The following COL5A2 variants were observed in gnomAD, a reference collection of about 807,000 sequenced individuals.
COL5A2 encodes the protein collagen alpha-2(V) chain.
COL5A2 carries 23 observed loss-of-function variants against 208.2 expected under a neutral mutation model. The observed-to-expected ratio is 0.11, with a 90% CI of 0.08 to 0.16. COL5A2 has a LOEUF of 0.16. COL5A2 is among the 10% of genes least tolerant of loss of function. COL5A2 has a pLI of 1.00. For synonymous variants in COL5A2, 625 were observed against 628.5 expected (o/e 0.99, Z 0.08); for missense variants, 1,590 against 1,956.4 (o/e 0.81, Z 3.53).
At chr2:189,418,890 A>C in the COL5A2 span, among the ~76,000 whole-genome samples, 4,922 of 152,236 alleles carry the variant, frequency 0.032, 268 homozygotes, top group African/African-American at 0.11. Flanking sequence ...TTGGGGGAGT[A>C]AATTTAGGCC....
chr2:189,201,667 T>A (rs1234496511), intron 1 of COL5A2, among the ~76,000 whole-genome samples: 1 of 151,980 alleles, frequency 6.6e-6, no homozygotes. Context: ...ATAAACACAT[T>A]GCATTGAAAC....
the COL5A2 span, among the ~76,000 whole-genome samples, chr2:189,323,935 C>T: frequency 6.6e-6 from 1 of 152,204 alleles, no homozygotes; most frequent in Non-Finnish European, 1.5e-5. Context: ...TACAAGGCTA[C>T]AGTAACTAAA....
At chr2:189,214,725 C>A (rs1455176136) in intron 1 of COL5A2, among the ~76,000 whole-genome samples, 1 of 152,124 alleles carries the variant, frequency 6.6e-6, no homozygotes, top group Non-Finnish European at 1.5e-5. Flanking sequence ...TTCATGGCAA[C>A]CTTGTAGCTT....
chr2:189,248,252 A>C, the COL5A2 span, among the ~76,000 whole-genome samples: 1 of 152,202 alleles, frequency 6.6e-6, no homozygotes, highest in African/African-American at 2.4e-5. Context: ...ATATTTGTGC[A>C]ACAAAGTCTG....
chr2:189,405,931 T>A, the COL5A2 span, among the ~76,000 whole-genome samples: 3 of 152,240 alleles, frequency 2.0e-5, no homozygotes, highest in Non-Finnish European at 4.4e-5. Flanking sequence ...TGTTGCATCA[T>A]TTAAAATCCC....
chr2:189,438,750 G>A, the COL5A2 span, among the ~76,000 whole-genome samples: 1 of 152,160 alleles, frequency 6.6e-6, no homozygotes, highest in Admixed American at 6.5e-5. Context: ...TGGTGGATAC[G>A]ATAATTTGTG....
At chr2:189,430,168 A>G in the COL5A2 span, among the ~76,000 whole-genome samples, 1 of 152,182 alleles carries the variant, frequency 6.6e-6, no homozygotes, top group Non-Finnish European at 1.5e-5. Context: ...ATGTTTAGGG[A>G]ATATCTTGAT....
chr2:189,267,842 C>A, the COL5A2 span, among the ~76,000 whole-genome samples: 2 of 152,090 alleles, frequency 1.3e-5, no homozygotes, highest in African/African-American at 4.8e-5. Context: ...GTAGGCCAAC[C>A]AAACCCACCA....
At chr2:189,069,454 C>T (rs994383130) in intron 18 of COL5A2, among the ~76,000 whole-genome samples, 1 of 152,086 alleles carries the variant, frequency 6.6e-6, no homozygotes, top group Non-Finnish European at 1.5e-5. Context: ...TGTATACATT[C>T]GGACTCTTTA....
At chr2:189,049,981 CATT>C (rs1685750208) in intron 43 of COL5A2, among the ~76,000 whole-genome samples, 1 of 152,114 alleles carries the variant, frequency 6.6e-6, no homozygotes, top group South Asian at 2.1e-4. Context: ...ATGAAAACAT[CATT>C]AATTTTTTTC....
intron 1 of COL5A2, among the ~76,000 whole-genome samples, chr2:189,115,849 T>A (rs1020146892): frequency 1.3e-5 from 2 of 152,210 alleles, no homozygotes; most frequent in Non-Finnish European, 2.9e-5. Flanking sequence ...ATAAGCACTT[T>A]TAGCTCTCTT....
chr2:189,257,990 T>G, the COL5A2 span, among the ~76,000 whole-genome samples: 1 of 152,130 alleles, frequency 6.6e-6, no homozygotes, highest in East Asian at 1.9e-4. Flanking sequence ...GGCAGGCACC[T>G]GCAGTCCCAG....
the COL5A2 span, among the ~76,000 whole-genome samples, chr2:189,248,171 C>T: frequency 3.3e-5 from 5 of 152,108 alleles, no homozygotes; most frequent in Admixed American, 2.0e-4. Context: ...TTGATAATAG[C>T]AATGTGCTTT....
At chr2:189,281,731 A>G in the COL5A2 span, among the ~76,000 whole-genome samples, 1 of 152,244 alleles carries the variant, frequency 6.6e-6, no homozygotes, top group Admixed American at 6.5e-5. Flanking sequence ...AAGGAGATAT[A>G]GCAATGTACA....
the COL5A2 span, among the ~76,000 whole-genome samples, chr2:189,403,688 C>A: frequency 6.6e-6 from 1 of 151,966 alleles, no homozygotes; most frequent in Non-Finnish European, 1.5e-5. Flanking sequence ...GTAGCTTTTG[C>A]CTTTAGTTCT....
In COL5A2 at chr2:189,171,736, A is replaced by C. The variant is rs528258251; in HGVS notation, c.97+7772T>G. ...GAATATATTTATTTATCTAAAGTTC[A>C]TGTGAAAGATTGGGGTTGAAGAGAT... is the stretch of plus-strand genomic sequence containing the variant. On this transcript the variant is annotated intron_variant, in intron 1 of 53. Coordinates refer to ENST00000374866, the MANE Select transcript of COL5A2 (RefSeq NM_000393.5). Among the ~76,000 whole-genome samples the C allele has an allele frequency of 1.1e-4, 16 of 152,346 alleles. No individual in the cohort carries two copies. The East Asian group carries it at 2.7e-3, about 26-fold the overall frequency.
At chr2:189,230,258 T>C (rs527427901), upstream of COL5A2, among the ~76,000 whole-genome samples, 2 of 151,956 alleles carry the variant, frequency 1.3e-5, no homozygotes, top group South Asian at 2.1e-4. Flanking sequence ...TTTCATGACA[T>C]TGGTTTTTGC....
At chr2:189,436,967 A>G in the COL5A2 span, among the ~76,000 whole-genome samples, 29 of 152,196 alleles carry the variant, frequency 1.9e-4, no homozygotes, top group African/African-American at 7.0e-4. Context: ...ATTTACCTAT[A>G]TAACAAACCT....
the COL5A2 span, among the ~76,000 whole-genome samples, chr2:189,432,338 C>T: frequency 7.9e-5 from 12 of 152,198 alleles, no homozygotes; most frequent in South Asian, 4.2e-4. Context: ...ATTATATTAA[C>T]GTTAAATGTA....
Sources: allele counts gnomAD v4.1 joint callset (sites outside exome capture counted in the v4.1 genomes callset), GRCh38; gene constraint gnomAD v4.1.1; transcripts MANE v1.5; gene names NCBI Gene and HGNC (gene_info 2026-07-23, HGNC 2026-07-21).